Variants in ASIC2 observed in about 807,000 individuals in gnomAD.
The protein encoded by ASIC2 is acid-sensing ion channel 2.
A neutral mutation model predicts 57.3 loss-of-function variants in ASIC2; 25 were observed. That is an observed-to-expected ratio of 0.44 (90% CI 0.32 to 0.61). ASIC2 has a LOEUF of 0.61. ASIC2 is among the 20% of genes least tolerant of loss of function. ASIC2 has a pLI of 0.06. For missense variants in ASIC2, 641 were observed against 738.1 expected, an observed-to-expected ratio of 0.87 and a Z score of 1.52; for synonymous variants, 319 against 307.5, an observed-to-expected ratio of 1.04 and a Z score of -0.39.
intron 1 of ASIC2, among the ~76,000 whole-genome samples, chr17:33,393,779 C>A (rs1909982199): frequency 6.6e-6 from 1 of 152,104 alleles, no homozygotes; most frequent in African/African-American, 2.4e-5. Context: ...CATCCTGCAC[C>A]AAGAGGAAGA....
At chr17:33,795,685 G>A (rs932593398) in intron 1 of ASIC2, among the ~76,000 whole-genome samples, 3 of 152,210 alleles carry the variant, frequency 2.0e-5, no homozygotes, top group Non-Finnish European at 4.4e-5. Flanking sequence ...TTTCAGGGGA[G>A]TAATGTGATG....
At chr17:33,401,723 A>C (rs1910293322) in intron 1 of ASIC2, among the ~76,000 whole-genome samples, 1 of 152,216 alleles carries the variant, frequency 6.6e-6, no homozygotes, top group South Asian at 2.1e-4. Context: ...TTCGCTTCCC[A>C]GGAGACAATC....
chr17:33,964,457 C>T (rs1225654877), intron 1 of ASIC2, among the ~76,000 whole-genome samples: 1 of 152,250 alleles, frequency 6.6e-6, no homozygotes, highest in African/African-American at 2.4e-5. Context: ...CCCAGTCCCT[C>T]AGAGTCAAGG....
At chr17:33,631,883 G>A (rs1416090643) in intron 1 of ASIC2, among the ~76,000 whole-genome samples, 1 of 152,160 alleles carries the variant, frequency 6.6e-6, no homozygotes, top group East Asian at 1.9e-4. Context: ...AGATAAGAGG[G>A]TATGGTGTAG....
At chr17:33,134,787 G>A (rs912554760) in intron 1 of ASIC2, among the ~76,000 whole-genome samples, 2 of 151,856 alleles carry the variant, frequency 1.3e-5, no homozygotes, top group African/African-American at 4.9e-5. Flanking sequence ...GCAGAGCTCT[G>A]AGAAGGGGAA....
chr17:33,062,029 G>T (rs979650679), intron 3 of ASIC2, among the ~76,000 whole-genome samples: 1 of 151,962 alleles, frequency 6.6e-6, no homozygotes, highest in Non-Finnish European at 1.5e-5. Flanking sequence ...ATTTTTTATT[G>T]CGTCTATTTG....
intron 3 of ASIC2, among the ~76,000 whole-genome samples, chr17:33,031,527 G>T (rs111831910): frequency 6.6e-6 from 1 of 151,972 alleles, no homozygotes; most frequent in Non-Finnish European, 1.5e-5. Flanking sequence ...ATCAATGTTC[G>T]ATTTTGTTGA....
intron 1 of ASIC2, among the ~76,000 whole-genome samples, chr17:33,422,979 G>A (rs903545412): frequency 7.9e-5 from 12 of 152,214 alleles, no homozygotes; most frequent in South Asian, 4.2e-4. Context: ...TTAGAGTGCC[G>A]CACAGCCCTG....
chr17:33,269,751 T>TTCTTTCCTTCC (rs1904404897), intron 1 of ASIC2, among the ~76,000 whole-genome samples: 6 of 102,966 alleles, frequency 5.8e-5, no homozygotes, highest in African/African-American at 1.8e-4. Context: ...TCCTTCCTTC[T>TTCTTTCCTTCC]TTCCTTCCTT....
chr17:33,123,176 G>C lies in ASIC2; in HGVS notation c.709-11109C>G, dbSNP rs192887930. On this transcript the variant is annotated intron_variant, in intron 1 of 9. Transcript: ENST00000225823. ...AAGGAATTAAAATCAATATGCTGAA[G>C]AGATGTCTGCACTCCCACTTTCCTT... 3.0e-4 allele frequency among the ~76,000 whole-genome samples: 45 copies of C among 152,308 alleles called. 1 individual carries two copies. The East Asian group carries it at 3.9e-3, about 13-fold the overall frequency.
intron 1 of ASIC2, among the ~76,000 whole-genome samples, chr17:33,393,692 G>A (rs1909979515): frequency 1.3e-5 from 2 of 152,170 alleles, no homozygotes; most frequent in Non-Finnish European, 2.9e-5. Context: ...GTTCCAGTTG[G>A]TGATCTAAGT....
At chr17:33,104,443 A>G (rs948420579) in intron 2 of ASIC2, among the ~76,000 whole-genome samples, 3 of 152,150 alleles carry the variant, frequency 2.0e-5, no homozygotes, top group African/African-American at 7.2e-5. Context: ...AATCCCAATG[A>G]CATCTGCCTC....
In ASIC2 at chr17:33,835,438, T is replaced by C. The variant is rs185928517; in HGVS notation, c.555+320540A>G. Among the ~76,000 whole-genome samples the C allele has an allele frequency of 6.6e-5, 10 of 152,324 alleles. No individual in the cohort carries two copies. In the East Asian group the frequency reaches 1.9e-3, roughly 29 times the overall value. ...CAAATCTTGTGAACCCTAAGAAGTCTTCACTGATAAACCCCAGGTCATCTT... is the reference window on the plus strand; with the variant it reads ...CAAATCTTGTGAACCCTAAGAAGTCCTCACTGATAAACCCCAGGTCATCTT... On this transcript the variant is annotated intron_variant, in intron 1 of 9. Transcript: ENST00000359872.
At chr17:33,931,463 T>G (rs945694399) in intron 1 of ASIC2, 9 of 152,226 alleles carry the variant, frequency 5.9e-5, no homozygotes, top group Non-Finnish European at 1.2e-4. Context: ...GACTACTGAT[T>G]TCACTTCTGT....
At chr17:33,314,485 G>A (rs1036090991) in intron 1 of ASIC2, among the ~76,000 whole-genome samples, 1 of 152,172 alleles carries the variant, frequency 6.6e-6, no homozygotes, top group African/African-American at 2.4e-5. Flanking sequence ...AAAGTGAGAT[G>A]TACATCACTG....
At chr17:33,360,828 C>T (rs1817600915) in intron 1 of ASIC2, among the ~76,000 whole-genome samples, 1 of 152,124 alleles carries the variant, frequency 6.6e-6, no homozygotes, top group African/African-American at 2.4e-5. Flanking sequence ...CCACATGGAG[C>T]CCTAACTAGA....
intron 1 of ASIC2, among the ~76,000 whole-genome samples, chr17:33,375,717 G>A (rs76262977): frequency 6.6e-6 from 1 of 152,240 alleles, no homozygotes; most frequent in East Asian, 1.9e-4. Flanking sequence ...GAGGTGGTGA[G>A]AAGTAGTCAA....
intron 1 of ASIC2, among the ~76,000 whole-genome samples, chr17:33,578,764 G>C (rs565337936): frequency 1.3e-5 from 2 of 150,542 alleles, no homozygotes; most frequent in East Asian, 1.9e-4. Context: ...GCCCCACCTG[G>C]AAGGTGCTGA....
intron 1 of ASIC2, among the ~76,000 whole-genome samples, chr17:33,425,299 A>T (rs1430229000): frequency 2.0e-5 from 3 of 152,236 alleles, no homozygotes; most frequent in Non-Finnish European, 4.4e-5. Context: ...GAAAGAAAGG[A>T]AACAGAAGAA....
Sources: allele counts gnomAD v4.1 joint callset (sites outside exome capture counted in the v4.1 genomes callset), GRCh38; gene constraint gnomAD v4.1.1; transcripts MANE v1.5; gene names NCBI Gene and HGNC (gene_info 2026-07-23, HGNC 2026-07-21).